RSPH3: variants seen among roughly 807,000 people sequenced by gnomAD.
The protein encoded by RSPH3 is radial spoke head 3.
In RSPH3, 21 loss-of-function variants were observed where a neutral mutation model predicts 43.8. The observed-to-expected ratio is 0.48, with a 90% CI of 0.34 to 0.69. The LOEUF is 0.69. Ranked by LOEUF, RSPH3 falls within the 30% of genes least tolerant of loss-of-function variation. The probability of loss-of-function intolerance (pLI) is 0.01; values close to 1 mark genes in which losing one functional copy is unlikely to be tolerated. For missense variants in RSPH3, 487 were observed against 516.0 expected (o/e 0.94, Z 0.54); for synonymous variants, 173 against 179.8 (o/e 0.96, Z 0.30).
chr6:158,996,070 T>A (rs1778584254), intron 1 of RSPH3, among the ~76,000 whole-genome samples: 1 of 152,188 alleles, frequency 6.6e-6, no homozygotes, highest in African/African-American at 2.4e-5. Context: ...GAAGAGGACA[T>A]CTTTGGGGAA....
At chr6:158,998,468 CA>C (rs567802659) in intron 1 of RSPH3, among the ~76,000 whole-genome samples, 3,614 of 79,442 alleles carry the variant, frequency 0.045, 122 homozygotes, top group African/African-American at 0.16. Flanking sequence ...GACTCCGTCT[CA>C]AAAAAAAAAA....
At chr6:158,966,381 T>C in the RSPH3 span, among the ~76,000 whole-genome samples, 2 of 152,184 alleles carry the variant, frequency 1.3e-5, no homozygotes, top group Non-Finnish European at 2.9e-5. Flanking sequence ...TTCTTTTTCA[T>C]AGTTTGTGAA....
At chr6:158,981,296 A>T (rs1037917912) in intron 5 of RSPH3, among the ~76,000 whole-genome samples, 5 of 152,188 alleles carry the variant, frequency 3.3e-5, no homozygotes, top group Non-Finnish European at 7.3e-5. Flanking sequence ...CAGTGGGCCA[A>T]TGAATGAGTT....
At position 158,980,824 on chromosome 6, in the gene RSPH3, A is replaced by AGG; in HGVS notation, c.808_809insCC (p.Val270AlafsTer22). On this transcript the variant is annotated frameshift_variant, in exon 6 of 8. Transcript: ENST00000367069. LOFTEE classifies it high-confidence loss of function. ...GCCACTATCCCTGAGGCTGCCAAAA[A>AGG]CAGACGGGAGAAGGTCAGCCAGGTA... The AGG allele has an allele frequency of 1.9e-6, 3 of 1,614,142 alleles. No individual in the cohort carries two copies. Among genetic ancestry groups the AGG allele is most frequent in the Non-Finnish European group, 2.5e-6 (3 of 1,179,972 alleles).
In RSPH3 at chr6:158,984,434, T is replaced by TTTTATATA. The variant is rs1300418942; in HGVS notation, c.347-628_347-627insTATATAAA. Among the ~76,000 whole-genome samples the TTTTATATA allele has an allele frequency of 1.7e-3, 106 of 63,640 alleles. 7 individuals are homozygous for TTTTATATA. The highest frequency in any genetic ancestry group is 9.8e-3 in the East Asian group (17 of 1,736). 41.8% of individuals were successfully genotyped at this position (63,640 alleles called of 152,430 possible). A position where few individuals can be genotyped will look rare whatever the true frequency, so the allele number is the denominator to read the frequency against. ...AGTACAACAGTGGATAAAAAGTCAA[T>TTTTATATA]TATATATATATATATATATATATAT... On this transcript the variant is annotated intron_variant, in intron 3 of 7. Coordinates refer to ENST00000367069, the MANE Select transcript of RSPH3 (RefSeq NM_031924.8).
At chr6:158,963,427 T>G in the RSPH3 span, among the ~76,000 whole-genome samples, 1 of 88,222 alleles carries the variant, frequency 1.1e-5, no homozygotes. Flanking sequence ...CCCCCTTCCC[T>G]TCCCTCCCCC....
At chr6:158,967,451 G>A in the RSPH3 span, among the ~76,000 whole-genome samples, 2 of 152,088 alleles carry the variant, frequency 1.3e-5, no homozygotes, top group African/African-American at 2.4e-5. Context: ...AATGTATTGT[G>A]ATTGGAGAAC....
At chr6:158,980,989 T>C (rs571164621) in intron 5 of RSPH3, 53 bp from the exon 6 acceptor site, 6 of 1,562,924 alleles carry the variant, frequency 3.8e-6, no homozygotes, top group Middle Eastern at 1.8e-4. Flanking sequence ...CCCCAAGTGC[T>C]GAATCTAGTG....
At chr6:158,969,148 C>G (rs913973896), downstream of RSPH3, among the ~76,000 whole-genome samples, 1 of 152,056 alleles carries the variant, frequency 6.6e-6, no homozygotes, top group African/African-American at 2.4e-5. Flanking sequence ...TGTCTAGTAT[C>G]CTTTCATTTC....
chr6:158,963,685 G>A, the RSPH3 span, among the ~76,000 whole-genome samples: 1 of 151,816 alleles, frequency 6.6e-6, no homozygotes, highest in Non-Finnish European at 1.5e-5. Context: ...GACTTCCCAG[G>A]CTCAAGCAAT....
chr6:158,969,910 ATACT>A (rs912594408), downstream of RSPH3, among the ~76,000 whole-genome samples: 3 of 152,194 alleles, frequency 2.0e-5, no homozygotes, highest in African/African-American at 7.2e-5. Flanking sequence ...CATCTTTCTC[ATACT>A]TACTTTAATT....
intron 2 of RSPH3, among the ~76,000 whole-genome samples, chr6:158,987,395 G>T (rs1363806254): frequency 6.6e-6 from 1 of 152,092 alleles, no homozygotes; most frequent in African/African-American, 2.4e-5. Context: ...ATATAGTTGG[G>T]TCTCGTTCCT....
rs925843515 is a variant in RSPH3, at chr6:158,989,519, G to T, written c.205-3098C>A. Among the ~76,000 whole-genome samples, 1 of 152,118 alleles carries T rather than the reference G, an allele frequency of 6.6e-6. No homozygotes were observed. The highest frequency in any genetic ancestry group is 1.5e-5 in the Non-Finnish European group (1 of 68,028). Reference sequence around the variant, plus strand: ...GCTAGGGGTTTGTGCCCAGGGGACCGGTACAATGTTATCTCCTACAATGTG... The same window carrying T: ...GCTAGGGGTTTGTGCCCAGGGGACCTGTACAATGTTATCTCCTACAATGTG... On this transcript the variant is annotated intron_variant, in intron 2 of 7. Coordinates refer to ENST00000367069, the MANE Select transcript of RSPH3 (RefSeq NM_031924.8). This position sits in a 1 kb window ranked among gnomAD's most constrained non-coding sequence, Gnocchi z 4.3.
Position 158,976,164 on chromosome 6 carries a change from C to A in RSPH3, c.*1374G>T, listed in dbSNP as rs546588910. The A allele has an allele frequency of 3.9e-5, 6 of 152,264 alleles. No homozygotes were observed. Among genetic ancestry groups the A allele is most frequent in the South Asian group, 2.1e-4 (1 of 4,832 alleles). The allele number at this position is 152,264 out of a possible 1,614,324, so 9.4% of individuals were successfully genotyped here. On this transcript the variant is annotated 3_prime_UTR_variant, in exon 8 of 8. Coordinates refer to ENST00000367069, the MANE Select transcript of RSPH3 (RefSeq NM_031924.8). ...TGCTGCTGCACTCCAGCCTGGGTGTCAGAGTGAGACCTTGTCTCCAAAAAA... is the reference window on the plus strand; with the variant it reads ...TGCTGCTGCACTCCAGCCTGGGTGTAAGAGTGAGACCTTGTCTCCAAAAAA...
intron 2 of RSPH3, among the ~76,000 whole-genome samples, chr6:158,988,658 T>G (rs1778308014): frequency 6.6e-6 from 1 of 152,186 alleles, no homozygotes; most frequent in Non-Finnish European, 1.5e-5. Flanking sequence ...TCTGCTTGAT[T>G]CATTCTGTTG....
intron 6 of RSPH3, 60 bp from the exon 7 acceptor site, chr6:158,978,406 T>A: frequency 1.2e-6 from 1 of 823,830 alleles, no homozygotes; most frequent in East Asian, 2.5e-5. Flanking sequence ...CGCTTTTCTC[T>A]TAATGTAATA....
Position 158,999,468 on chromosome 6 carries a change from T to G in RSPH3, c.83A>C (p.Gln28Pro). The change falls in exon 1 of 8, where the codon CAG (glutamine) becomes CCG (proline). Residue 28 changes from glutamine (Q) to proline (P), a missense_variant. Gln to Pro is a moderately conservative substitution (Grantham distance 76). Coordinates refer to ENST00000367069, the MANE Select transcript of RSPH3 (RefSeq NM_031924.8). ...CAGGCTGTCCCGGTAACGGCTGCGC[T>G]GGCAGGGCAGTGCTCGGGGCCGGCT... ...YTSRPRALPCQRSRYRDSLTQ... is the reference protein window; with the variant it reads ...YTSRPRALPCPRSRYRDSLTQ... The G allele has an allele frequency of 1.3e-6, 2 of 1,516,912 alleles. No homozygotes were observed. Among genetic ancestry groups the G allele is most frequent in the South Asian group, 1.3e-5 (1 of 77,892 alleles). 94.0% of individuals were successfully genotyped at this position (1,516,912 alleles called of 1,614,324 possible). A position where few individuals can be genotyped will look rare whatever the true frequency, so the allele number is the denominator to read the frequency against.
intron 3 of RSPH3, among the ~76,000 whole-genome samples, chr6:158,986,071 C>A (rs967777732): frequency 2.0e-5 from 3 of 152,178 alleles, no homozygotes; most frequent in South Asian, 2.1e-4. Flanking sequence ...CCGCCTCAGC[C>A]TCCCCAAGTG....
chr6:158,995,889 G>A (rs1302622412), intron 1 of RSPH3, among the ~76,000 whole-genome samples: 10 of 152,120 alleles, frequency 6.6e-5, no homozygotes, highest in African/African-American at 1.2e-4. Flanking sequence ...GTGAGCCACC[G>A]TGCCCATCCT....
Sources: allele counts gnomAD v4.1 joint callset (sites outside exome capture counted in the v4.1 genomes callset), GRCh38; gene constraint gnomAD v4.1.1; non-coding constraint Gnocchi (gnomAD v3.1); transcripts MANE v1.5; gene names NCBI Gene and HGNC (gene_info 2026-07-23, HGNC 2026-07-21).